ASRGL1: variants seen among roughly 807,000 people sequenced by gnomAD.
The protein encoded by ASRGL1 is asparaginase and isoaspartyl peptidase 1.
Under a neutral mutation model 22.4 loss-of-function variants are expected in ASRGL1, and 16 were observed. That is an observed-to-expected ratio of 0.71 (90% CI 0.48 to 1.08). The LOEUF is 1.08. ASRGL1 is among the 50% of genes least tolerant of loss of function. The pLI, the probability that ASRGL1 is intolerant of heterozygous loss-of-function variation, is 0.00. For synonymous variants in ASRGL1, 165 were observed against 159.3 expected, an observed-to-expected ratio of 1.04 and a Z score of -0.27; for missense variants, 412 against 410.1, an observed-to-expected ratio of 1.00 and a Z score of -0.04.
At chr11:62,386,461 A>ATACATATCATAGATATGTACATATCC (rs1947209092) in intron 4 of ASRGL1, among the ~76,000 whole-genome samples, 1 of 152,182 alleles carries the variant, frequency 6.6e-6, no homozygotes. Flanking sequence ...TGTACATATC[A>ATACATATCATAGATATGTACATATCC]TACATATCAT....
rs746701900 is a variant in ASRGL1 at position 62,391,574 on chromosome 11, T to C, written c.663T>C (p.His221=). 1.9e-6 allele frequency: 3 copies of C among 1,612,800 alleles called. No homozygotes were observed. Among genetic ancestry groups the C allele is most frequent in the Non-Finnish European group, 2.5e-6 (3 of 1,179,510 alleles). The change falls in exon 6 of 7, where the codon CAT becomes CAC. Residue 221 remains histidine (H), a synonymous_variant. Transcript: ENST00000415229. ...NDIGAVSTTG[H]GESILKVNLA... ...TCGGAGCCGTCTCAACCACAGGGCA[T>C]GGGGAAAGCATCCTGAAGGTGAACC...
chr11:62,343,769 T>C (rs1429034669), intron 2 of ASRGL1, among the ~76,000 whole-genome samples: 10 of 148,206 alleles, frequency 6.7e-5, no homozygotes, highest in Admixed American at 6.7e-4. Context: ...TTAATCCACA[T>C]CTTCACCAGC....
chr11:62,374,983 C>T (rs1026563191), intron 4 of ASRGL1, among the ~76,000 whole-genome samples: 20 of 151,908 alleles, frequency 1.3e-4, no homozygotes, highest in Admixed American at 3.3e-4. Context: ...TCGTGGTCAC[C>T]GAGAGGGTTG....
rs1201880421 is a variant in ASRGL1, at chr11:62,392,131, G to A, written c.774G>A (p.Arg258=). ...ADLSLGYMKS[R]VKGLGGLIVV... ...TATCGTTGGGTTATATGAAGTCAAG[G>A]GTTAAAGGTTTAGGTGGCCTCATCG... Residue 258 remains arginine (R), a synonymous_variant, in exon 7 of 7, where the codon AGG becomes AGA. Transcript: ENST00000415229. The A allele has an allele frequency of 6.2e-7, 1 of 1,614,124 alleles. No homozygotes were observed. Among genetic ancestry groups the A allele is most frequent in the African/African-American group, 1.3e-5 (1 of 74,940 alleles).
chr11:62,394,748 G>A (rs1283423449), downstream of ASRGL1, among the ~76,000 whole-genome samples: 1 of 152,178 alleles, frequency 6.6e-6, no homozygotes, highest in Non-Finnish European at 1.5e-5. Context: ...CTTTAGCTGG[G>A]CAGCCCAGGT....
chr11:62,384,373 T>C (rs1947152747), intron 4 of ASRGL1, among the ~76,000 whole-genome samples: 1 of 152,002 alleles, frequency 6.6e-6, no homozygotes, highest in Non-Finnish European at 1.5e-5. Context: ...GGTGTGGTGG[T>C]ACACGCCTGT....
intron 2 of ASRGL1, among the ~76,000 whole-genome samples, chr11:62,341,469 G>A (rs1016007628): frequency 2.0e-5 from 3 of 152,066 alleles, no homozygotes; most frequent in African/African-American, 7.2e-5. Flanking sequence ...AAAGTGCTGG[G>A]ATTACAGGTG....
chr11:62,389,399 G>A (rs757676001), intron 5 of ASRGL1, 148 bp downstream of exon 5: 21 of 799,198 alleles, frequency 2.6e-5, no homozygotes, highest in South Asian at 2.5e-4. Flanking sequence ...TGACAATGGG[G>A]TTGGAAGGGG....
intron 2 of ASRGL1, among the ~76,000 whole-genome samples, chr11:62,350,353 T>C (rs1946140647): frequency 6.6e-6 from 1 of 152,172 alleles, no homozygotes. Flanking sequence ...GATATTTTGG[T>C]TGTTTCTAGT....
chr11:62,376,266 G>C (rs1422919140), intron 4 of ASRGL1, among the ~76,000 whole-genome samples: 3 of 151,138 alleles, frequency 2.0e-5, no homozygotes, highest in Non-Finnish European at 4.4e-5. Flanking sequence ...AACTTCGTCT[G>C]TTCTTCTGAC....
chr11:62,384,580 T>A (rs1947157778), intron 4 of ASRGL1, among the ~76,000 whole-genome samples: 2 of 151,758 alleles, frequency 1.3e-5, no homozygotes, highest in Non-Finnish European at 2.9e-5. Context: ...ATGATAGGTA[T>A]GTTATTCTAG....
chr11:62,362,001 A>G (rs914710102), intron 4 of ASRGL1, among the ~76,000 whole-genome samples: 2 of 152,316 alleles, frequency 1.3e-5, no homozygotes, highest in South Asian at 4.1e-4. Context: ...GGATTGTTGA[A>G]GGCAAGCCTG....
downstream of ASRGL1, among the ~76,000 whole-genome samples, chr11:62,396,769 G>A (rs1331060721): frequency 2.9e-5 from 2 of 68,434 alleles, no homozygotes; most frequent in African/African-American, 5.3e-5. Flanking sequence ...CCAGCCTGGG[G>A]TGATTTTTTT....
intron 4 of ASRGL1, among the ~76,000 whole-genome samples, chr11:62,368,659 A>G (rs374492585): frequency 1.6e-4 from 24 of 152,214 alleles, no homozygotes; most frequent in African/African-American, 5.3e-4. Flanking sequence ...GAGTTCCCTC[A>G]GTATTTATTG....
intron 4 of ASRGL1, among the ~76,000 whole-genome samples, chr11:62,368,481 G>C (rs1036533132): frequency 5.9e-5 from 9 of 152,186 alleles, no homozygotes; most frequent in Non-Finnish European, 1.3e-4. Flanking sequence ...AGTAGATACT[G>C]TGAAATGATT....
At chr11:62,375,468 A>C (rs1283255917) in intron 4 of ASRGL1, among the ~76,000 whole-genome samples, 2 of 88,064 alleles carry the variant, frequency 2.3e-5, no homozygotes, top group African/African-American at 8.0e-5. Context: ...ATATATATAT[A>C]TATATATATA....
chr11:62,389,606 C>T (rs1371649832), intron 5 of ASRGL1: 2 of 365,338 alleles, frequency 5.5e-6, no homozygotes, highest in Non-Finnish European at 5.3e-6. Context: ...GTAAGACTTA[C>T]TCCCGAGACA....
Position 62,362,691 on chromosome 11 carries a change from T to TA in ASRGL1, c.491+5548dup, listed in dbSNP as rs1319380571. Among the ~76,000 whole-genome samples, 20 of 88,088 alleles carry TA rather than the reference T, an allele frequency of 2.3e-4. 1 individual carries two copies. Among genetic ancestry groups the TA allele is most frequent in the Admixed American group, 8.4e-4 (4 of 4,756 alleles). The allele number at this position is 88,088 out of a possible 152,430, so 57.8% of individuals were successfully genotyped here. ...TATAATATATATTATATAAAATATA[T>TA]ATTATATATTATATAAAATATATTA... On this transcript the variant is annotated intron_variant, in intron 4 of 6. Transcript: ENST00000415229.
chr11:62,340,155 G>A (rs1483956530), intron 2 of ASRGL1, among the ~76,000 whole-genome samples: 3 of 151,986 alleles, frequency 2.0e-5, no homozygotes, highest in Non-Finnish European at 4.4e-5. Context: ...TGTAGCCGCC[G>A]CTACTCAGGA....
Sources: allele counts gnomAD v4.1 joint callset (sites outside exome capture counted in the v4.1 genomes callset), GRCh38; gene constraint gnomAD v4.1.1; transcripts MANE v1.5; gene names NCBI Gene and HGNC (gene_info 2026-07-23, HGNC 2026-07-21).